Variants in LCOR observed in about 807,000 individuals in gnomAD.
LCOR encodes ligand-dependent corepressor.
A neutral mutation model predicts 64.4 loss-of-function variants in LCOR; 14 were observed. That is an observed-to-expected ratio of 0.22 (90% CI 0.14 to 0.34). The LOEUF (loss-of-function observed/expected upper bound fraction) is 0.34. Among genes scored for constraint, LCOR ranks in the 10% least tolerant of loss-of-function variants. The pLI is 1.00. For synonymous variants in LCOR, 643 were observed against 642.5 expected (o/e 1.00, Z -0.01); for missense variants, 1,686 against 1,765.3 (o/e 0.96, Z 0.80).
At chr10:96,958,223 A>G in intron 7 of LCOR, 1 of 1,303,280 alleles carries the variant, frequency 7.7e-7, no homozygotes, top group Non-Finnish European at 9.8e-7. Context: ...TCAGAAAGAC[A>G]TCACTAAAGG....
chr10:96,954,833 A>G (rs985723084), intron 7 of LCOR: 5 of 610,032 alleles, frequency 8.2e-6, no homozygotes, highest in East Asian at 5.8e-5. Context: ...GAGAAAAATA[A>G]ATAAATAACA....
intron 7 of LCOR, chr10:96,955,604 G>C: frequency 6.2e-7 from 1 of 1,614,156 alleles, no homozygotes; most frequent in East Asian, 2.2e-5. Flanking sequence ...ATCCCACATC[G>C]GATCAAGAAG....
chr10:96,915,286 C>T (rs1012064632), intron 4 of LCOR, among the ~76,000 whole-genome samples: 5 of 152,108 alleles, frequency 3.3e-5, no homozygotes, highest in African/African-American at 4.8e-5. Flanking sequence ...TTTGGGAGGC[C>T]GAGGCAGACA....
intron 2 of LCOR, among the ~76,000 whole-genome samples, chr10:96,889,631 T>C (rs1846405533): frequency 6.6e-6 from 1 of 152,216 alleles, no homozygotes; most frequent in South Asian, 2.1e-4. Context: ...ATTTCATCTT[T>C]GTTGCTTCCT....
At position 96,907,350 on chromosome 10, in the gene LCOR, TATTTCAAA is replaced by T. The variant is rs1163258688; in HGVS notation, c.-264+21_-264+28del. On this transcript the variant is annotated intron_variant, in intron 3 of 7. Coordinates refer to ENST00000421806, the MANE Select transcript of LCOR (RefSeq NM_001346516.2). ...TTAAAGGTATTCAAAATATTTTTGG[TATTTCAAA>T]TTCTTCCTGGTGCCATACATGATAC... 2.2e-6 allele frequency: 2 copies of T among 903,424 alleles called. No individual in the cohort carries two copies. The highest frequency in any genetic ancestry group is 3.6e-5 in the African/African-American group (2 of 55,538). 56.0% of individuals were successfully genotyped at this position (903,424 alleles called of 1,614,324 possible).
Position 96,873,167 on chromosome 10 carries a change from A to G in LCOR, c.-329-34098A>G, listed in dbSNP as rs566612974. On this transcript the variant is annotated intron_variant, in intron 2 of 7. Transcript: ENST00000421806. ...ATTTTTAAATATTAATTTTGATTCT[A>G]TTTGAATTTAGCAGAAAGGGAAATT... 3.9e-4 allele frequency among the ~76,000 whole-genome samples: 59 copies of G among 152,312 alleles called. 1 individual carries two copies. Among genetic ancestry groups the G allele is most frequent in the African/African-American group, 1.3e-3 (52 of 41,572 alleles).
intron 2 of LCOR, among the ~76,000 whole-genome samples, chr10:96,867,501 G>A (rs1017351099): frequency 6.6e-6 from 1 of 152,182 alleles, no homozygotes; most frequent in Non-Finnish European, 1.5e-5. Flanking sequence ...GAAGACTGAG[G>A]TGGGAGGATC....
chr10:96,921,840 C>T (rs913581429), intron 4 of LCOR, among the ~76,000 whole-genome samples: 6 of 152,196 alleles, frequency 3.9e-5, no homozygotes, highest in Admixed American at 1.3e-4. Flanking sequence ...CCCATTGAAT[C>T]GTGTTGGTAC....
rs536487686 is a variant in LCOR at position 96,885,138 on chromosome 10, A to G, written c.-329-22127A>G. On this transcript the variant is annotated intron_variant, in intron 2 of 7. Transcript: ENST00000421806. ...TTTATAGACCTTTTGGGAAAATGCC[A>G]TTAAATAAATACCACATTATTTTGG... Among the ~76,000 whole-genome samples the G allele has an allele frequency of 2.0e-5, 3 of 152,350 alleles. No homozygotes were observed. In the East Asian group the frequency reaches 5.8e-4, roughly 29 times the overall value.
At chr10:96,852,778 T>C (rs1589605988) in intron 2 of LCOR, among the ~76,000 whole-genome samples, 1 of 152,190 alleles carries the variant, frequency 6.6e-6, no homozygotes, top group African/African-American at 2.4e-5. Context: ...TGATGAAATA[T>C]AGTCAGTAAG....
chr10:96,908,524 AT>A (rs1846769301), intron 4 of LCOR, among the ~76,000 whole-genome samples: 1 of 152,178 alleles, frequency 6.6e-6, no homozygotes, highest in African/African-American at 2.4e-5. Context: ...GAATGCTATT[AT>A]TTTTAATTGT....
intron 2 of LCOR, among the ~76,000 whole-genome samples, chr10:96,898,742 G>A (rs952224655): frequency 6.6e-6 from 1 of 152,284 alleles, no homozygotes; most frequent in African/African-American, 2.4e-5. Flanking sequence ...CACATTCTGG[G>A]TAGTAATAGT....
At chr10:96,844,349 C>A (rs1038596087) in intron 2 of LCOR, among the ~76,000 whole-genome samples, 1 of 151,792 alleles carries the variant, frequency 6.6e-6, no homozygotes, top group African/African-American at 2.4e-5. Context: ...CGGGGTCTTG[C>A]TTTGTTACCC....
chr10:96,857,044 TC>T (rs1845817235), intron 2 of LCOR, among the ~76,000 whole-genome samples: 1 of 151,940 alleles, frequency 6.6e-6, no homozygotes, highest in Non-Finnish European at 1.5e-5. Context: ...AGTGAATTCT[TC>T]AGTCACCTGT....
chr10:96,894,044 T>C (rs976012870), intron 2 of LCOR, among the ~76,000 whole-genome samples: 1 of 152,186 alleles, frequency 6.6e-6, no homozygotes, highest in African/African-American at 2.4e-5. Context: ...TTTTGAACTA[T>C]GGCCTTGAAG....
intron 7 of LCOR, chr10:96,956,250 G>GT (rs1350874733): frequency 3.9e-5 from 40 of 1,021,106 alleles, no homozygotes; most frequent in African/African-American, 6.9e-5. Flanking sequence ...TGTTGTTGTT[G>GT]TTTTTTCTTA....
chr10:96,841,052 G>C (rs1845530973), intron 2 of LCOR, among the ~76,000 whole-genome samples: 1 of 152,214 alleles, frequency 6.6e-6, no homozygotes, highest in Non-Finnish European at 1.5e-5. Flanking sequence ...GCTGAGGTGG[G>C]AGGATCGCTT....
At chr10:96,957,411 G>A in intron 7 of LCOR, 1 of 985,110 alleles carries the variant, frequency 1.0e-6, no homozygotes, top group Non-Finnish European at 1.2e-6. Context: ...GTTTTTGCAA[G>A]AATAAGCAAA....
chr10:96,938,679 C>A (rs1327921551), intron 4 of LCOR, among the ~76,000 whole-genome samples: 1 of 151,950 alleles, frequency 6.6e-6, no homozygotes, highest in Non-Finnish European at 1.5e-5. Context: ...ACAAGTTCAG[C>A]AAGGTTCAGA....
Sources: gnomAD v4.1 joint callset for allele counts (sites outside exome capture counted in the v4.1 genomes callset) on GRCh38, gnomAD v4.1.1 for gene constraint, MANE v1.5 for transcripts, NCBI Gene and HGNC (gene_info 2026-07-23, HGNC 2026-07-21) for gene names.